The following TBC1D12 variants were observed in gnomAD, a reference collection of about 807,000 sequenced individuals.
The protein encoded by TBC1D12 is TBC1 domain family, member 12.
Under a neutral mutation model 86.7 loss-of-function variants are expected in TBC1D12, and 56 were observed. That is an observed-to-expected ratio of 0.65 (90% confidence interval 0.52 to 0.81). The LOEUF (loss-of-function observed/expected upper bound fraction) is 0.81. Among genes scored for constraint, TBC1D12 ranks in the 30% least tolerant of loss-of-function variants. The pLI is 0.00. For missense variants in TBC1D12, 1,023 were observed against 1,038.8 expected, an observed-to-expected ratio of 0.98 and a Z score of 0.21; for synonymous variants, 421 against 411.7, an observed-to-expected ratio of 1.02 and a Z score of -0.27.
intron 2 of TBC1D12, among the ~76,000 whole-genome samples, chr10:94,452,220 A>G (rs998580544): frequency 1.3e-5 from 2 of 151,770 alleles, no homozygotes; most frequent in African/African-American, 4.8e-5. Flanking sequence ...CATACACACA[A>G]CCTCCTTCAC....
chr10:94,424,464 T>G (rs1356763351), intron 1 of TBC1D12, among the ~76,000 whole-genome samples: 1 of 152,174 alleles, frequency 6.6e-6, no homozygotes, highest in Non-Finnish European at 1.5e-5. Flanking sequence ...AATTCTCCCC[T>G]CGTTCATTCA....
chr10:94,419,542 G>A (rs1216689972), intron 1 of TBC1D12, among the ~76,000 whole-genome samples: 1 of 151,954 alleles, frequency 6.6e-6, no homozygotes, highest in Non-Finnish European at 1.5e-5. Flanking sequence ...ACGTGGTGGC[G>A]CCTGTAATCC....
chr10:94,437,839 T>C (rs1386186398), intron 1 of TBC1D12, among the ~76,000 whole-genome samples: 1 of 151,950 alleles, frequency 6.6e-6, no homozygotes. Context: ...TTTATTTTAG[T>C]TGTTTTTCAG....
At chr10:94,515,537 C>T (rs922860357) in intron 9 of TBC1D12, among the ~76,000 whole-genome samples, 5 of 151,464 alleles carry the variant, frequency 3.3e-5, no homozygotes, top group Non-Finnish European at 7.4e-5. Flanking sequence ...TTAGTAGAGA[C>T]GGGGTTTCAC....
chr10:94,518,987 A>C (rs1842073309), intron 9 of TBC1D12, among the ~76,000 whole-genome samples: 2 of 152,168 alleles, frequency 1.3e-5, no homozygotes, highest in African/African-American at 4.8e-5. Flanking sequence ...AGGCAGGAGA[A>C]TCACTTTAAC....
intron 1 of TBC1D12, among the ~76,000 whole-genome samples, chr10:94,404,050 C>T (rs1395393012): frequency 6.6e-6 from 1 of 152,126 alleles, no homozygotes; most frequent in Non-Finnish European, 1.5e-5. Context: ...AGAAGGAAGT[C>T]ATTTTGTAGA....
chr10:94,419,056 G>A (rs1423025158), intron 1 of TBC1D12, among the ~76,000 whole-genome samples: 1 of 151,910 alleles, frequency 6.6e-6, no homozygotes, highest in East Asian at 1.9e-4. Context: ...TGTATTTTTA[G>A]TAGAGATGGG....
chr10:94,444,172 GAA>G (rs112158621), intron 2 of TBC1D12, among the ~76,000 whole-genome samples: 76 of 66,740 alleles, frequency 1.1e-3, no homozygotes, highest in African/African-American at 3.8e-3. Flanking sequence ...TCCATCTCAA[GAA>G]AAAAAAAAAA....
chr10:94,429,440 GA>G (rs1257562781), intron 1 of TBC1D12, among the ~76,000 whole-genome samples: 1 of 152,054 alleles, frequency 6.6e-6, no homozygotes, highest in Non-Finnish European at 1.5e-5. Context: ...TTTTCCAAGT[GA>G]AAAATGATTG....
chr10:94,429,725 G>C lies in TBC1D12; in HGVS notation c.972-12171G>C, dbSNP rs1262208979. The stretch of plus-strand genomic sequence containing the variant: ...TAAAACTGATTTTACTCTTTCAATT[G>C]ATTCTATCCCCTCCACTTTTTTTTT... On this transcript the variant is annotated intron_variant, in intron 1 of 12. Coordinates refer to ENST00000225235, the MANE Select transcript of TBC1D12 (RefSeq NM_015188.2). 2.6e-5 allele frequency among the ~76,000 whole-genome samples: 4 copies of C among 151,710 alleles called. No individual in the cohort carries two copies. The South Asian group carries it at 6.2e-4, about 24-fold the overall frequency.
intron 11 of TBC1D12, among the ~76,000 whole-genome samples, chr10:94,529,445 G>A (rs903061722): frequency 6.6e-6 from 1 of 152,058 alleles, no homozygotes; most frequent in African/African-American, 2.4e-5. Flanking sequence ...ATGGAGAAAC[G>A]CCGTCTCTAC....
At chr10:94,514,807 G>A (rs938228225) in intron 9 of TBC1D12, among the ~76,000 whole-genome samples, 2 of 151,222 alleles carry the variant, frequency 1.3e-5, no homozygotes, top group Admixed American at 6.6e-5. Flanking sequence ...GGACCATATA[G>A]TAATTCTATT....
intron 2 of TBC1D12, among the ~76,000 whole-genome samples, chr10:94,450,130 A>G (rs1332256655): frequency 1.3e-5 from 2 of 152,138 alleles, no homozygotes; most frequent in African/African-American, 2.4e-5. Flanking sequence ...AAAAAATACT[A>G]TGTATAATGC....
chr10:94,513,131 C>T (rs890257541), intron 9 of TBC1D12, among the ~76,000 whole-genome samples: 2 of 151,958 alleles, frequency 1.3e-5, no homozygotes, highest in African/African-American at 4.8e-5. Context: ...CCTGTTATCC[C>T]AGCTACTCAG....
chr10:94,403,216 C>T lies in TBC1D12; in HGVS notation c.603C>T (p.Ser201=), dbSNP rs1332549540. 6.0e-6 allele frequency: 9 copies of T among 1,506,728 alleles called. No individual in the cohort carries two copies. Among genetic ancestry groups the T allele is most frequent in the Middle Eastern group, 2.3e-4 (1 of 4,306 alleles). 93.3% of individuals were successfully genotyped at this position (1,506,728 alleles called of 1,614,324 possible). A position where few individuals can be genotyped will look rare whatever the true frequency, so the allele number is the denominator to read the frequency against. The change falls in exon 1 of 13, where the codon AGC becomes AGT. Residue 201 remains serine, a synonymous_variant. Coordinates refer to ENST00000225235, the MANE Select transcript of TBC1D12 (RefSeq NM_015188.2). ...CTCCGCTTGAGGACCCGCTGCGGAG[C>T]TGCTGCCTGGTGGCCGCGGACGCCC... ...WASPLEDPLR[S]CCLVAADAQE...
intron 1 of TBC1D12, among the ~76,000 whole-genome samples, chr10:94,417,771 C>T (rs144839252): frequency 0.016 from 2,250 of 144,044 alleles, 21 homozygotes; most frequent in Non-Finnish European, 0.022. Flanking sequence ...TTTTTTGCTA[C>T]GGAGTCTCGC....
Position 94,531,353 on chromosome 10 carries a change from C to T in TBC1D12, c.2152C>T (p.His718Tyr), listed in dbSNP as rs759976944. ...EDILLQMDFI[H>Y]IAQFLTKLPE... ...TATTCTCCTGCAGATGGACTTTATT[C>T]ATATAGCACAGTTTCTAACTAAATT... is the stretch of plus-strand genomic sequence containing the variant. The change falls in exon 12 of 13, where the codon CAT becomes TAT. Residue 718 changes from histidine (H) to tyrosine (Y), a missense_variant. By Grantham distance (83) the His-to-Tyr change is moderately conservative. Coordinates refer to ENST00000225235, the MANE Select transcript of TBC1D12 (RefSeq NM_015188.2). 4 of 1,614,104 alleles carry T rather than the reference C, an allele frequency of 2.5e-6. No homozygotes were observed. Among genetic ancestry groups the T allele is most frequent in the Non-Finnish European group, 3.4e-6 (4 of 1,180,010 alleles).
chr10:94,519,298 G>T (rs1842080257), intron 9 of TBC1D12, among the ~76,000 whole-genome samples: 1 of 152,110 alleles, frequency 6.6e-6, no homozygotes, highest in Non-Finnish European at 1.5e-5. Flanking sequence ...AAATATTGTG[G>T]TACTAAGAAT....
chr10:94,449,074 G>T (rs947326572), intron 2 of TBC1D12, among the ~76,000 whole-genome samples: 1 of 152,092 alleles, frequency 6.6e-6, no homozygotes, highest in Non-Finnish European at 1.5e-5. Flanking sequence ...AAAATTAAAA[G>T]AATAAAGATA....
Sources: gnomAD v4.1 joint callset for allele counts (sites outside exome capture counted in the v4.1 genomes callset) on GRCh38, gnomAD v4.1.1 for gene constraint, MANE v1.5 for transcripts, NCBI Gene and HGNC (gene_info 2026-07-23, HGNC 2026-07-21) for gene names.